The following XKR4 variants were observed in gnomAD, a reference collection of about 807,000 sequenced individuals.
XKR4 encodes XK related 4.
Under a neutral mutation model 53.9 loss-of-function variants are expected in XKR4, and 12 were observed. That is an observed-to-expected ratio of 0.22 (90% CI 0.14 to 0.36). The LOEUF is 0.36. Ranked by LOEUF, XKR4 falls within the 10% of genes least tolerant of loss-of-function variation. XKR4 has a pLI of 1.00. For missense variants in XKR4, 799 were observed against 859.5 expected (o/e 0.93, Z 0.88); for synonymous variants, 354 against 362.4 (o/e 0.98, Z 0.26).
chr8:55,157,483 C>A lies in XKR4; in HGVS notation c.806+54189C>A, dbSNP rs768970581. The stretch of plus-strand genomic sequence containing the variant: ...GAGAAAAGCTTATAATACCTCTAAA[C>A]GTTTTTGGAAATACTTTTTTTTTTT... On this transcript the variant is annotated intron_variant, in intron 1 of 2. Coordinates refer to ENST00000327381, the MANE Select transcript of XKR4 (RefSeq NM_052898.2). 9.7e-4 allele frequency among the ~76,000 whole-genome samples: 147 copies of A among 151,818 alleles called. No homozygotes were observed. The Middle Eastern group carries it at 0.037, about 39-fold the overall frequency.
chr8:55,473,522 C>A (rs1281238783), intron 2 of XKR4, among the ~76,000 whole-genome samples: 1 of 152,064 alleles, frequency 6.6e-6, no homozygotes, highest in African/African-American at 2.4e-5. Flanking sequence ...TATAGCTGAG[C>A]TTTAAATTTT....
intron 1 of XKR4, among the ~76,000 whole-genome samples, chr8:55,218,395 C>T (rs188408303): frequency 1.3e-5 from 2 of 152,258 alleles, no homozygotes; most frequent in East Asian, 3.9e-4. Flanking sequence ...TAGTATGAGG[C>T]TAAATGCTCT....
chr8:55,519,325 C>A (rs889265636), intron 2 of XKR4, among the ~76,000 whole-genome samples: 3 of 151,970 alleles, frequency 2.0e-5, no homozygotes, highest in African/African-American at 7.3e-5. Flanking sequence ...ACTGACAGAC[C>A]CATTATATAT....
At chr8:55,458,230 G>A (rs192826219) in intron 2 of XKR4, among the ~76,000 whole-genome samples, 3 of 152,344 alleles carry the variant, frequency 2.0e-5, no homozygotes, top group Admixed American at 2.0e-4. Context: ...AAATGAGATA[G>A]TTCCCTTGAC....
intron 1 of XKR4, among the ~76,000 whole-genome samples, chr8:55,227,111 G>T (rs1261048463): frequency 1.3e-5 from 2 of 152,150 alleles, no homozygotes; most frequent in Non-Finnish European, 2.9e-5. Context: ...AGTGCACCCT[G>T]AGCACAGAGT....
intron 2 of XKR4, among the ~76,000 whole-genome samples, chr8:55,364,378 T>C (rs1389495108): frequency 1.3e-5 from 2 of 152,184 alleles, no homozygotes; most frequent in Non-Finnish European, 2.9e-5. Context: ...GCGAGACTCC[T>C]ACGGGATGAG....
intron 2 of XKR4, among the ~76,000 whole-genome samples, chr8:55,405,853 T>G (rs138080629): frequency 1.3e-5 from 2 of 152,328 alleles, no homozygotes; most frequent in Non-Finnish European, 2.9e-5. Flanking sequence ...AGAATGTGTG[T>G]GATGGAAATA....
At chr8:55,183,649 C>T (rs1164362519) in intron 1 of XKR4, among the ~76,000 whole-genome samples, 2 of 151,964 alleles carry the variant, frequency 1.3e-5, no homozygotes, top group African/African-American at 4.8e-5. Flanking sequence ...TGTTTTATGC[C>T]ACAGGATGTG....
intron 2 of XKR4, among the ~76,000 whole-genome samples, chr8:55,469,722 T>C (rs1421940049): frequency 6.6e-6 from 1 of 152,002 alleles, no homozygotes; most frequent in Non-Finnish European, 1.5e-5. Context: ...TATTCCAATC[T>C]CCAACTTCTA....
intron 1 of XKR4, among the ~76,000 whole-genome samples, chr8:55,336,105 C>T (rs1803457424): frequency 6.7e-6 from 1 of 149,850 alleles, no homozygotes; most frequent in African/African-American, 2.5e-5. Context: ...TATGGTTTGG[C>T]TGTGTCTCCA....
chr8:55,272,816 A>G (rs925502602), intron 1 of XKR4: 7 of 414,118 alleles, frequency 1.7e-5, no homozygotes, highest in Non-Finnish European at 2.8e-5. Flanking sequence ...TGTCCTTTAA[A>G]GAAGAATTCC....
intron 1 of XKR4, among the ~76,000 whole-genome samples, chr8:55,237,302 T>C (rs1337069768): frequency 6.6e-6 from 1 of 152,232 alleles, no homozygotes; most frequent in Admixed American, 6.5e-5. Context: ...AAAACTTAAA[T>C]AGCTTACTGT....
At chr8:55,226,149 G>C (rs966662391) in intron 1 of XKR4, among the ~76,000 whole-genome samples, 1 of 152,176 alleles carries the variant, frequency 6.6e-6, no homozygotes, top group African/African-American at 2.4e-5. Flanking sequence ...ACTCTGATGA[G>C]CTAAGTCAAT....
chr8:55,181,480 T>C (rs552672905), intron 1 of XKR4, among the ~76,000 whole-genome samples: 5 of 152,236 alleles, frequency 3.3e-5, no homozygotes, highest in African/African-American at 1.2e-4. Context: ...ACATGTATTA[T>C]TTTTATTGAA....
intron 1 of XKR4, among the ~76,000 whole-genome samples, chr8:55,188,532 G>A (rs562228280): frequency 2.0e-5 from 3 of 152,144 alleles, no homozygotes; most frequent in South Asian, 2.1e-4. Context: ...CTCCTGTCTC[G>A]TGCATCCTCT....
chr8:55,164,790 A>G, intron 1 of XKR4: 1 of 6,228 alleles, frequency 1.6e-4, no homozygotes, highest in Non-Finnish European at 3.4e-4. Context: ...ACACACACAT[A>G]CACACACACA....
intron 2 of XKR4, among the ~76,000 whole-genome samples, chr8:55,389,066 A>G (rs1219495872): frequency 2.0e-5 from 3 of 152,226 alleles, no homozygotes; most frequent in Non-Finnish European, 4.4e-5. Flanking sequence ...TGGACACATG[A>G]ACACGAACAT....
At chr8:55,345,905 A>G (rs1243323726) in intron 1 of XKR4, among the ~76,000 whole-genome samples, 1 of 152,010 alleles carries the variant, frequency 6.6e-6, no homozygotes, top group African/African-American at 2.4e-5. Flanking sequence ...AGGTTATCCA[A>G]TTCATTCACT....
chr8:55,273,142 C>CTGTGTG (rs5891567), intron 1 of XKR4, among the ~76,000 whole-genome samples: 1,758 of 147,530 alleles, frequency 0.012, 33 homozygotes, highest in African/African-American at 0.039. Flanking sequence ...GAAAAGAGGA[C>CTGTGTG]TGTGTGTGTG....
Sources: allele counts gnomAD v4.1 joint callset (sites outside exome capture counted in the v4.1 genomes callset), GRCh38; gene constraint gnomAD v4.1.1; transcripts MANE v1.5; gene names NCBI Gene and HGNC (gene_info 2026-07-23, HGNC 2026-07-21).